Variants in ACSF2 observed in about 807,000 individuals in gnomAD.
ACSF2 encodes the protein medium-chain acyl-CoA ligase ACSF2, mitochondrial.
A neutral mutation model predicts 79.3 loss-of-function variants in ACSF2; 52 were observed. The ratio of observed to expected loss-of-function variants is 0.66; its 90% CI spans 0.53 to 0.83. The LOEUF is 0.83. Among genes scored for constraint, ACSF2 ranks in the 40% least tolerant of loss-of-function variants. ACSF2 has a pLI of 0.00. For synonymous variants in ACSF2, 283 were observed against 312.6 expected (o/e 0.91, Z 1.00); for missense variants, 661 against 803.3 (o/e 0.82, Z 2.14).
In ACSF2 at chr17:50,474,397, T is replaced by C; in HGVS notation, c.1798-105T>C. 1 of 1,511,214 alleles carries C rather than the reference T, an allele frequency of 6.6e-7. No homozygotes were observed. Among genetic ancestry groups the C allele is most frequent in the Non-Finnish European group, 9.2e-7 (1 of 1,089,436 alleles). 93.6% of individuals were successfully genotyped at this position (1,511,214 alleles called of 1,614,324 possible). On this transcript the variant is annotated intron_variant, in intron 15 of 15. Transcript: ENST00000300441. The surrounding 1 kb of genome is among the most constrained non-coding windows in gnomAD (Gnocchi z 4.2). ...GGTGACCGGGTCACCTAATCCTGGT[T>C]TGCCTGGGGACTTTCCCTGTTTTGG...
Position 50,463,009 on chromosome 17 carries a change from G to GTAGA in ACSF2, c.793-146_793-143dup. 1 of 700,158 alleles carries GTAGA rather than the reference G, an allele frequency of 1.4e-6. No homozygotes were observed. Among genetic ancestry groups the GTAGA allele is most frequent in the Non-Finnish European group, 2.5e-6 (1 of 405,738 alleles). 43.4% of individuals were successfully genotyped at this position (700,158 alleles called of 1,614,324 possible). A position where few individuals can be genotyped will look rare whatever the true frequency, so the allele number is the denominator to read the frequency against. On this transcript the variant is annotated intron_variant, in intron 6 of 15. Coordinates refer to ENST00000300441, the MANE Select transcript of ACSF2 (RefSeq NM_025149.6). The surrounding 1 kb of genome is among the most constrained non-coding windows in gnomAD (Gnocchi z 4.6). The stretch of plus-strand genomic sequence containing the variant: ...CTGGACCCTGACACCTGGTATCGTG[G>GTAGA]TAGACCTTTTGCAAATATACTGAAC...
At chr17:50,464,766 A>T in intron 10 of ACSF2, 4 of 121,380 alleles carry the variant, frequency 3.3e-5, no homozygotes, top group South Asian at 6.3e-5. Flanking sequence ...GTTCTGATTG[A>T]CTTGGGGGGG....
chr17:50,456,142 T>C (rs1415911268), intron 1 of ACSF2, among the ~76,000 whole-genome samples: 2 of 152,172 alleles, frequency 1.3e-5, no homozygotes, highest in Non-Finnish European at 2.9e-5. Flanking sequence ...CTTCAAACTT[T>C]TCCCCTTTAG....
chr17:50,468,499 G>A (rs1375962635), intron 10 of ACSF2: 1 of 1,614,254 alleles, frequency 6.2e-7, no homozygotes, highest in Non-Finnish European at 8.5e-7. Flanking sequence ...TATGGGACAG[G>A]TACAAGTAGA....
chr17:50,428,144 A>G (rs1283578373), intron 1 of ACSF2, among the ~76,000 whole-genome samples: 5 of 152,190 alleles, frequency 3.3e-5, no homozygotes, highest in Admixed American at 6.5e-5. Context: ...AGCCGTCATC[A>G]TGCCACTGCA....
chr17:50,457,281 T>C lies in ACSF2; in HGVS notation c.129-3396T>C, dbSNP rs755593910. Among the ~76,000 whole-genome samples, 6 of 152,132 alleles carry C rather than the reference T, an allele frequency of 3.9e-5. No homozygotes were observed. The East Asian group carries it at 5.8e-4, about 15-fold the overall frequency. On this transcript the variant is annotated intron_variant, in intron 1 of 15. Coordinates refer to ENST00000300441, the MANE Select transcript of ACSF2 (RefSeq NM_025149.6). ...GGCTTCCAGACCTTCCAGGCCATCA[T>C]TGGATATGGGCTAGGCAGTCCCTGG...
chr17:50,458,291 A>G (rs974928855), intron 1 of ACSF2, among the ~76,000 whole-genome samples: 2 of 152,086 alleles, frequency 1.3e-5, no homozygotes, highest in Non-Finnish European at 2.9e-5. Context: ...TTCCAGGCCC[A>G]ATGTCCTCTG....
At chr17:50,440,663 C>A (rs1273069564) in intron 1 of ACSF2, among the ~76,000 whole-genome samples, 16 of 152,230 alleles carry the variant, frequency 1.1e-4, no homozygotes, top group Non-Finnish European at 2.1e-4. Context: ...TCACAGAATG[C>A]CACAGCTATT....
chr17:50,449,026 T>C (rs555774667), intron 1 of ACSF2, among the ~76,000 whole-genome samples: 7 of 146,564 alleles, frequency 4.8e-5, no homozygotes, highest in Non-Finnish European at 1.1e-4. Context: ...TTTTTTTTTT[T>C]TTTTTTTGGA....
chr17:50,446,303 A>G (rs897502140), intron 1 of ACSF2, among the ~76,000 whole-genome samples: 11 of 152,030 alleles, frequency 7.2e-5, no homozygotes, highest in Admixed American at 7.2e-4. Context: ...TCAGAAAAGT[A>G]CACTTTTTTT....
Position 50,464,771 on chromosome 17 carries a change from G to GT in ACSF2, c.1215+477_1215+478insT, listed in dbSNP as rs1555611937. On this transcript the variant is annotated intron_variant, in intron 10 of 15. Coordinates refer to ENST00000300441, the MANE Select transcript of ACSF2 (RefSeq NM_025149.6). ...ACCTGTTGTGGTTCTGATTGACTTG[G>GT]GGGGGGGGTCTCAGCAACAGCTTCT... 1,849 of 328,876 alleles carry GT rather than the reference G, an allele frequency of 5.6e-3. 105 individuals carry two copies. Among genetic ancestry groups the GT allele is most frequent in the African/African-American group, 0.041 (1,660 of 40,178 alleles). The allele number at this position is 328,876 out of a possible 1,614,324, so 20.4% of individuals were successfully genotyped here.
chr17:50,439,523 C>CAGGTATAT (rs533774465), intron 1 of ACSF2, among the ~76,000 whole-genome samples: 37 of 152,150 alleles, frequency 2.4e-4, no homozygotes, highest in Non-Finnish European at 2.2e-4. Context: ...TGCTGTATAG[C>CAGGTATAT]AGTCCATGCT....
At position 50,463,977 on chromosome 17, in the gene ACSF2, G is replaced by A. The variant is rs2032516555; in HGVS notation, c.1138+68G>A. 39 of 1,281,066 alleles carry A rather than the reference G, an allele frequency of 3.0e-5. No individual in the cohort carries two copies. Among genetic ancestry groups the A allele is most frequent in the Non-Finnish European group, 4.1e-5 (39 of 944,916 alleles). 79.4% of individuals were successfully genotyped at this position (1,281,066 alleles called of 1,614,324 possible). A position where few individuals can be genotyped will look rare whatever the true frequency, so the allele number is the denominator to read the frequency against. The stretch of plus-strand genomic sequence containing the variant: ...CTTCCCCCACAGGAATGGCCCGGGT[G>A]AGTTAGCTATGCTCCCAGTCTTTTA... On this transcript the variant is annotated intron_variant, in intron 9 of 15. Coordinates refer to ENST00000300441, the MANE Select transcript of ACSF2 (RefSeq NM_025149.6). The surrounding 1 kb of genome is among the most constrained non-coding windows in gnomAD (Gnocchi z 4.6).
At chr17:50,431,541 G>A (rs753026692) in intron 1 of ACSF2, among the ~76,000 whole-genome samples, 1 of 152,204 alleles carries the variant, frequency 6.6e-6, no homozygotes, top group Admixed American at 6.6e-5. Context: ...TGCTTCAATC[G>A]TTGTGAACCC....
chr17:50,458,946 C>T (rs894019063), intron 1 of ACSF2, among the ~76,000 whole-genome samples: 1 of 152,174 alleles, frequency 6.6e-6, no homozygotes, highest in Non-Finnish European at 1.5e-5. Flanking sequence ...GTCTAATTTC[C>T]CCAGAGACAG....
intron 12 of ACSF2, 156 bp from the exon 13 acceptor site, chr17:50,473,509 A>G (rs2033209203): frequency 3.0e-6 from 3 of 1,007,774 alleles, no homozygotes; most frequent in African/African-American, 1.6e-5. Context: ...TTACTGGACT[A>G]TTAATTCCAG....
intron 1 of ACSF2, among the ~76,000 whole-genome samples, chr17:50,429,370 CCT>C (rs1915315187): frequency 6.6e-6 from 1 of 152,116 alleles, no homozygotes; most frequent in Non-Finnish European, 1.5e-5. Context: ...GAGAGGATCC[CCT>C]GATTGGTGGC....
intron 1 of ACSF2, among the ~76,000 whole-genome samples, chr17:50,437,135 C>A (rs749525674): frequency 2.6e-5 from 4 of 152,086 alleles, no homozygotes; most frequent in Non-Finnish European, 5.9e-5. Context: ...TGTGGCTTGG[C>A]GAGTGGCACA....
intron 1 of ACSF2, among the ~76,000 whole-genome samples, chr17:50,429,350 T>A (rs1413526018): frequency 2.6e-5 from 4 of 152,152 alleles, no homozygotes; most frequent in Non-Finnish European, 4.4e-5. Context: ...TCTGACTGAT[T>A]TGAAAGTAGG....
Sources: gnomAD v4.1 joint callset for allele counts (sites outside exome capture counted in the v4.1 genomes callset) on GRCh38, gnomAD v4.1.1 for gene constraint, Gnocchi (gnomAD v3.1) non-coding constraint, MANE v1.5 for transcripts, NCBI Gene and HGNC (gene_info 2026-07-23, HGNC 2026-07-21) for gene names.